The following NUP160 variants were observed in gnomAD, a reference collection of about 807,000 sequenced individuals.
The protein encoded by NUP160 is nuclear pore complex protein Nup160.
NUP160 carries 94 observed loss-of-function variants against 196.9 expected under a neutral mutation model. The ratio of observed to expected loss-of-function variants is 0.48; its 90% CI spans 0.40 to 0.57. The LOEUF (loss-of-function observed/expected upper bound fraction) is 0.57. NUP160 is among the 20% of genes least tolerant of loss of function. The probability of loss-of-function intolerance (pLI) is 0.00; values close to 1 mark genes in which losing one functional copy is unlikely to be tolerated. For missense variants in NUP160, 1,638 were observed against 1,748.3 expected (o/e 0.94, Z 1.13); for synonymous variants, 605 against 619.7 (o/e 0.98, Z 0.35).
At chr11:47,788,276 G>C (rs1157486830) in exon 31 of NUP160, 1 of 1,614,018 alleles carries the variant, frequency 6.2e-7, no homozygotes. Flanking sequence ...TGAACCAAGA[G>C]AGTGACCATT....
chr11:47,841,206 T>G (rs570124354), intron 2 of NUP160: 30 of 187,044 alleles, frequency 1.6e-4, no homozygotes, highest in Admixed American at 4.7e-4. Flanking sequence ...ATTTTTTTCT[T>G]TTTTCCCCCA....
chr11:47,841,713 A>T, intron 2 of NUP160: 1 of 268,428 alleles, frequency 3.7e-6, no homozygotes. Flanking sequence ...TTTTTTTGAG[A>T]CAGGGTCTCA....
At chr11:47,821,630 G>A (rs2135384544) in intron 9 of NUP160, 94 bp downstream of exon 9, 1 of 884,888 alleles carries the variant, frequency 1.1e-6, no homozygotes, top group South Asian at 1.4e-5. Flanking sequence ...AAAGTGTTAG[G>A]ATTACAGGCA....
chr11:47,795,632 CTCACATTCCGT>C (rs1211650464), intron 27 of NUP160, among the ~76,000 whole-genome samples: 3 of 152,170 alleles, frequency 2.0e-5, no homozygotes, highest in Non-Finnish European at 2.9e-5. Context: ...TCACATTCCG[CTCACATTCCGT>C]TCATTTTAGC....
intron 27 of NUP160, among the ~76,000 whole-genome samples, chr11:47,795,906 C>T (rs1255112058): frequency 2.0e-5 from 3 of 152,012 alleles, no homozygotes; most frequent in African/African-American, 7.3e-5. Context: ...AATTCCAGCA[C>T]TTTGGGAAAT....
At chr11:47,793,734 T>G (rs866055544) in intron 27 of NUP160, among the ~76,000 whole-genome samples, 14,118 of 123,290 alleles carry the variant, frequency 0.11, 1,280 homozygotes, top group East Asian at 0.19. Flanking sequence ...TTTTTTTTTT[T>G]TTTTTTTTTT....
intron 19 of NUP160, among the ~76,000 whole-genome samples, chr11:47,806,852 C>CACACACATATATATAT (rs1428564239): frequency 8.0e-6 from 1 of 124,252 alleles, no homozygotes; most frequent in African/African-American, 3.2e-5. Context: ...CACACACACA[C>CACACACATATATATAT]ATATATATAC....
At chr11:47,816,236 G>C (rs1487325572) in intron 11 of NUP160, among the ~76,000 whole-genome samples, 1 of 152,104 alleles carries the variant, frequency 6.6e-6, no homozygotes, top group African/African-American at 2.4e-5. Context: ...ATACTTGAAG[G>C]GTTGATTTAT....
chr11:47,794,243 C>T (rs985505463), intron 27 of NUP160, among the ~76,000 whole-genome samples: 6 of 152,194 alleles, frequency 3.9e-5, no homozygotes, highest in Non-Finnish European at 5.9e-5. Flanking sequence ...CCTGTGATTC[C>T]AGCACTCTGG....
At chr11:47,839,256 T>C (rs997635316) in intron 4 of NUP160, among the ~76,000 whole-genome samples, 1 of 152,108 alleles carries the variant, frequency 6.6e-6, no homozygotes, top group African/African-American at 2.4e-5. Flanking sequence ...CATGCCCAGC[T>C]AATTTTGTAT....
intron 7 of NUP160, among the ~76,000 whole-genome samples, chr11:47,827,363 CAAAA>C (rs59609032): frequency 1.1e-5 from 1 of 87,298 alleles, no homozygotes; most frequent in Non-Finnish European, 2.4e-5. Flanking sequence ...GACACTGTCT[CAAAA>C]AAAAAAAAAA....
chr11:47,848,307 C>G (rs1165625712), exon 1 of NUP160: 2 of 1,613,948 alleles, frequency 1.2e-6, no homozygotes, highest in Non-Finnish European at 1.7e-6. Context: ...CCAGGGCTCC[C>G]GCCGCCGCCA....
In NUP160 at chr11:47,831,842, CAAAAAAAAAAAAAAAA is replaced by C. The variant is rs372159602; in HGVS notation, c.1101+3793_1101+3808del. ...TTAGTGACAAAGCGAGACTCTCTCT[CAAAAAAAAAAAAAAAA>C]AAAAAAAAAAGAGACAGATCTGATC... On this transcript the variant is annotated intron_variant, in intron 7 of 35. Coordinates refer to ENST00000378460, the Ensembl canonical transcript of NUP160. 1.9e-4 allele frequency among the ~76,000 whole-genome samples: 13 copies of C among 66,682 alleles called. 2 individuals carry two copies. The highest frequency in any genetic ancestry group is 9.2e-4 in the African/African-American group (13 of 14,110). 43.7% of individuals were successfully genotyped at this position (66,682 alleles called of 152,430 possible).
At chr11:47,814,433 T>C (rs2097683089) in intron 13 of NUP160, among the ~76,000 whole-genome samples, 1 of 151,496 alleles carries the variant, frequency 6.6e-6, no homozygotes, top group Non-Finnish European at 1.5e-5. Context: ...TCCCAGCTAC[T>C]CTGGAGGATA....
exon 7 of NUP160, chr11:47,835,749 G>A (rs760497863): frequency 4.4e-6 from 7 of 1,604,818 alleles, no homozygotes; most frequent in East Asian, 2.3e-5. Flanking sequence ...GCAGTAAGCC[G>A]AAGGTCTTTC....
Position 47,819,389 on chromosome 11 carries a change from A to C in NUP160, c.1347T>G (p.Asp449Glu), listed in dbSNP as rs1025664353. 2.5e-6 allele frequency: 4 copies of C among 1,610,970 alleles called. No individual in the cohort carries two copies. In the African/African-American group the frequency reaches 5.3e-5, roughly 22 times the overall value. Residue 449 changes from aspartate (D) to glutamate (E), a missense_variant, in exon 10 of 36, where the codon GAT (aspartate) becomes GAG (glutamate). Coordinates refer to ENST00000378460, the Ensembl canonical transcript of NUP160. ...ATCTACTTACTCTGGGGTCTTGATC[A>C]TCTCTGATGACAATCTCTTCCTCTG...
intron 7 of NUP160, 78 bp from the exon 8 acceptor site, chr11:47,822,242 C>G (rs1851874652): frequency 9.9e-7 from 1 of 1,014,100 alleles, no homozygotes; most frequent in Non-Finnish European, 1.5e-6. Context: ...TATTACCATT[C>G]AGAAACCTTT....
At chr11:47,840,920 A>G (rs76004271) in intron 2 of NUP160, among the ~76,000 whole-genome samples, 4,808 of 152,250 alleles carry the variant, frequency 0.032, 256 homozygotes, top group African/African-American at 0.11. Flanking sequence ...TGGCCTCCAT[A>G]TATACTACAG....
chr11:47,803,698 T>C (rs1188467761), intron 21 of NUP160, among the ~76,000 whole-genome samples, 162 bp from the exon 22 acceptor site: 2 of 152,194 alleles, frequency 1.3e-5, no homozygotes, highest in East Asian at 3.8e-4. Flanking sequence ...GTTGCCTTCC[T>C]TCTTCATCCA....
Sources: allele counts gnomAD v4.1 joint callset (sites outside exome capture counted in the v4.1 genomes callset), GRCh38; gene constraint gnomAD v4.1.1; transcripts MANE v1.5; gene names NCBI Gene and HGNC (gene_info 2026-07-23, HGNC 2026-07-21).